LINGO2: variants seen among roughly 807,000 people sequenced by gnomAD.
LINGO2 encodes the protein leucine-rich repeat and immunoglobulin-like domain-containing nogo receptor-interacting protein 2.
LINGO2 carries 14 observed loss-of-function variants against 30.6 expected under a neutral mutation model. The observed-to-expected ratio is 0.46, with a 90% CI of 0.30 to 0.72. The LOEUF (loss-of-function observed/expected upper bound fraction) is 0.72, where lower values mean the gene tolerates loss of function less well. Ranked by LOEUF, LINGO2 falls within the 30% of genes least tolerant of loss-of-function variation. The probability of loss-of-function intolerance (pLI) is 0.07; values close to 1 mark genes in which losing one functional copy is unlikely to be tolerated. For missense variants in LINGO2, 729 were observed against 751.7 expected (o/e 0.97, Z 0.35); for synonymous variants, 317 against 288.5 (o/e 1.10, Z -1.00).
At position 28,286,209 on chromosome 9, in the gene LINGO2, A is replaced by G. The variant is rs1823502854; in HGVS notation, c.-87+8999T>C. ...TGACAATGGACAGAATGAACTAATT[A>G]CCAACTGGTCTGACCAACAAGAGAG... On this transcript the variant is annotated intron_variant, in intron 4 of 5. Transcript: ENST00000379992. Among the ~76,000 whole-genome samples, 6 of 152,206 alleles carry G rather than the reference A, an allele frequency of 3.9e-5. No individual in the cohort carries two copies. In the South Asian group the frequency reaches 1.0e-3, roughly 26 times the overall value.
chr9:28,097,264 G>C (rs1826271604), intron 4 of LINGO2, among the ~76,000 whole-genome samples: 1 of 152,108 alleles, frequency 6.6e-6, no homozygotes, highest in African/African-American at 2.4e-5. Context: ...AATCATCATG[G>C]AAGTCAGTGC....
At position 28,553,869 on chromosome 9, in the gene LINGO2, C is replaced by T. The variant is rs183753601; in HGVS notation, c.-364-77844G>A. ...CAACATTCTTGAAGAAAAGAATTTT[C>T]GACCCAGAATTTCATATCCAGCCAA... On this transcript the variant is annotated intron_variant, in intron 1 of 5. Transcript: ENST00000379992. 1.3e-3 allele frequency among the ~76,000 whole-genome samples: 204 copies of T among 152,114 alleles called. 2 individuals carry two copies. The highest frequency in any genetic ancestry group is 2.1e-3 in the Non-Finnish European group (142 of 68,014).
At chr9:28,231,172 A>C (rs986073455) in intron 4 of LINGO2, among the ~76,000 whole-genome samples, 4 of 151,876 alleles carry the variant, frequency 2.6e-5, no homozygotes, top group Non-Finnish European at 5.9e-5. Flanking sequence ...CAAAAAAAAA[A>C]TACTACCTTT....
chr9:28,431,229 G>A (rs933599245), intron 2 of LINGO2, among the ~76,000 whole-genome samples: 1 of 152,114 alleles, frequency 6.6e-6, no homozygotes, highest in Non-Finnish European at 1.5e-5. Context: ...AATCATTGTC[G>A]GGGGTGGAGA....
At chr9:28,080,960 T>C (rs1825757474) in intron 4 of LINGO2, 1 of 152,220 alleles carries the variant, frequency 6.6e-6, no homozygotes, top group African/African-American at 2.4e-5. Context: ...ATAGAGTATC[T>C]GTGGCAGGAG....
At chr9:28,691,275 A>G in the LINGO2 span, among the ~76,000 whole-genome samples, 1 of 152,204 alleles carries the variant, frequency 6.6e-6, no homozygotes, top group South Asian at 2.1e-4. Flanking sequence ...CAAATTCTTA[A>G]CATCCTCAAA....
chr9:28,019,005 A>T (rs4880009), intron 4 of LINGO2, among the ~76,000 whole-genome samples: 1 of 152,056 alleles, frequency 6.6e-6, no homozygotes, highest in East Asian at 1.9e-4. Context: ...GGGGGCCATC[A>T]TCCTAAATGA....
chr9:29,082,539 A>C, the LINGO2 span, among the ~76,000 whole-genome samples: 3 of 152,302 alleles, frequency 2.0e-5, no homozygotes, highest in African/African-American at 7.2e-5. Flanking sequence ...TTCATTTCTA[A>C]AACACCAAAA....
At chr9:28,092,593 T>A (rs1826128355) in intron 4 of LINGO2, among the ~76,000 whole-genome samples, 1 of 151,294 alleles carries the variant, frequency 6.6e-6, no homozygotes, top group Non-Finnish European at 1.5e-5. Flanking sequence ...ATATACCTAA[T>A]GTAAATGATG....
At chr9:28,416,923 G>C (rs1822989946) in intron 2 of LINGO2, among the ~76,000 whole-genome samples, 1 of 151,942 alleles carries the variant, frequency 6.6e-6, no homozygotes, top group Non-Finnish European at 1.5e-5. Flanking sequence ...CCAATTCTTT[G>C]TACTAATAAA....
chr9:28,843,385 C>T, the LINGO2 span, among the ~76,000 whole-genome samples: 1 of 151,696 alleles, frequency 6.6e-6, no homozygotes, highest in Non-Finnish European at 1.5e-5. Context: ...ATTCAATTTC[C>T]TCATTTCTAC....
intron 4 of LINGO2, among the ~76,000 whole-genome samples, chr9:28,181,455 T>G (rs981496494): frequency 6.6e-5 from 10 of 152,114 alleles, no homozygotes; most frequent in Non-Finnish European, 1.3e-4. Flanking sequence ...CCACATCCCC[T>G]GGAAGCTTGT....
chr9:27,952,549 A>G (rs1289392839), intron 5 of LINGO2, among the ~76,000 whole-genome samples: 1 of 152,052 alleles, frequency 6.6e-6, no homozygotes, highest in Non-Finnish European at 1.5e-5. Flanking sequence ...ATAAGATACA[A>G]AACTATAATA....
chr9:28,576,417 T>TGC (rs1823994793), intron 1 of LINGO2, among the ~76,000 whole-genome samples: 1 of 152,172 alleles, frequency 6.6e-6, no homozygotes, highest in African/African-American at 2.4e-5. Flanking sequence ...TGTGTGTGTG[T>TGC]GCGTATTCTT....
the LINGO2 span, among the ~76,000 whole-genome samples, chr9:28,979,558 C>A: frequency 5.9e-5 from 9 of 151,956 alleles, no homozygotes; most frequent in African/African-American, 2.2e-4. Context: ...CTCAAGGCCC[C>A]GTATATTCCA....
intron 1 of LINGO2, among the ~76,000 whole-genome samples, chr9:28,661,197 G>A (rs1053560846): frequency 6.6e-6 from 1 of 152,080 alleles, no homozygotes; most frequent in Non-Finnish European, 1.5e-5. Flanking sequence ...TCAAGAAATT[G>A]TAAATACTAT....
At chr9:28,424,299 A>G (rs745672408) in intron 2 of LINGO2, among the ~76,000 whole-genome samples, 4 of 152,146 alleles carry the variant, frequency 2.6e-5, no homozygotes, top group Non-Finnish European at 5.9e-5. Flanking sequence ...CCTAGCCTGC[A>G]AGAGGCCTTT....
intron 5 of LINGO2, among the ~76,000 whole-genome samples, chr9:27,990,965 G>T (rs1183827481): frequency 6.6e-6 from 1 of 151,974 alleles, no homozygotes; most frequent in Non-Finnish European, 1.5e-5. Context: ...GGTGTAAACA[G>T]CCACTTTCCA....
the LINGO2 span, among the ~76,000 whole-genome samples, chr9:29,062,225 T>G: frequency 1.3e-5 from 2 of 152,102 alleles, no homozygotes; most frequent in Non-Finnish European, 2.9e-5. Context: ...TAGAAGCCTG[T>G]GCACTGTTGC....
Sources: allele counts gnomAD v4.1 joint callset (sites outside exome capture counted in the v4.1 genomes callset), GRCh38; gene constraint gnomAD v4.1.1; transcripts MANE v1.5; gene names NCBI Gene and HGNC (gene_info 2026-07-23, HGNC 2026-07-21).